The following ARHGAP35 variants were observed in gnomAD, a reference collection of about 807,000 sequenced individuals.
ARHGAP35 encodes the protein rho GTPase-activating protein 35.
Under a neutral mutation model 111.1 loss-of-function variants are expected in ARHGAP35, and 15 were observed. That is an observed-to-expected ratio of 0.13 (90% CI 0.09 to 0.21). The LOEUF (loss-of-function observed/expected upper bound fraction) is 0.21, where lower values mean the gene tolerates loss of function less well. Ranked by LOEUF, ARHGAP35 falls within the 10% of genes least tolerant of loss-of-function variation. ARHGAP35 has a pLI of 1.00. For synonymous variants in ARHGAP35, 643 were observed against 710.3 expected (o/e 0.91, Z 1.51); for missense variants, 1,262 against 1,873.0 (o/e 0.67, Z 6.02).
rs1164850484 is a variant in ARHGAP35, at chr19:46,986,158, G to C, written c.3827-1831G>C. Among the ~76,000 whole-genome samples the C allele has an allele frequency of 6.6e-6, 1 of 152,172 alleles. No individual in the cohort carries two copies. The highest frequency in any genetic ancestry group is 1.5e-5 in the Non-Finnish European group (1 of 68,038). ...GCTTTAGCCATGAGACCCCATGTCA[G>C]TTTTCACAGTGACTTCACTGTCCTT... On this transcript the variant is annotated intron_variant, in intron 3 of 6. Coordinates refer to ENST00000672722, the MANE Select transcript of ARHGAP35 (RefSeq NM_004491.5). The surrounding 1 kb of genome is among the most constrained non-coding windows in gnomAD (Gnocchi z 4.3).
Position 46,921,593 on chromosome 19 carries a change from C to T in ARHGAP35, c.2918C>T (p.Ala973Val), listed in dbSNP as rs2056201146. Residue 973 changes from alanine (A) to valine (V), a missense_variant, in exon 2 of 7, where the codon GCA (alanine) becomes GTA (valine). Ala to Val is a moderately conservative substitution (Grantham distance 64). Around this residue, in one of 8 missense-constraint regions of ARHGAP35, gnomAD observed 579 missense variants for 716.9 expected, o/e 0.81. Coordinates refer to ENST00000672722, the MANE Select transcript of ARHGAP35 (RefSeq NM_004491.5). This position sits in a 1 kb window ranked among gnomAD's most constrained non-coding sequence, Gnocchi z 4.3. ...GAAGAGGTGTTTAACTCCCCCCGGG[C>T]AGGATCACCGCTCTGCAACTCAAAC... ...TTEEVFNSPR[A>V]GSPLCNSNLQ... 2.5e-6 allele frequency: 4 copies of T among 1,613,972 alleles called. No individual in the cohort carries two copies. Among genetic ancestry groups the T allele is most frequent in the Non-Finnish European group, 3.4e-6 (4 of 1,179,880 alleles).
chr19:46,960,029 G>A (rs2056469622), intron 3 of ARHGAP35, among the ~76,000 whole-genome samples: 1 of 147,622 alleles, frequency 6.8e-6, no homozygotes, highest in African/African-American at 2.5e-5. Flanking sequence ...AGGATTGCTT[G>A]ATCCCAGGAA....
At chr19:46,980,900 A>T (rs942224898) in intron 3 of ARHGAP35, among the ~76,000 whole-genome samples, 20 of 152,206 alleles carry the variant, frequency 1.3e-4, no homozygotes, top group African/African-American at 4.6e-4. Flanking sequence ...ACATACCACC[A>T]GGGGATGAGG....
intron 1 of ARHGAP35, among the ~76,000 whole-genome samples, chr19:46,903,018 A>T (rs1376064538): frequency 6.6e-6 from 1 of 152,198 alleles, no homozygotes; most frequent in Non-Finnish European, 1.5e-5. Flanking sequence ...GAGCGGTAAT[A>T]GCCAGAAGGG....
chr19:46,923,523 G>T (rs147979230), intron 2 of ARHGAP35, among the ~76,000 whole-genome samples: 3 of 151,934 alleles, frequency 2.0e-5, no homozygotes, highest in Non-Finnish European at 4.4e-5. Flanking sequence ...AAGAAAAAGC[G>T]TTTCTCAACT....
chr19:46,922,318 A>C lies in ARHGAP35; in HGVS notation c.3643A>C (p.Arg1215=). The part of the protein sequence containing the change: ...IPYETDEDPR[R]RNILRSLRRN... ...ATACGAAACAGACGAAGACCCGCGG[A>C]GGAGGAATATTCTTCGCAGCCTAAG... is the stretch of plus-strand genomic sequence containing the variant. The change falls in exon 2 of 7, where the codon AGG becomes CGG. Residue 1215 remains arginine (R), a synonymous_variant. Transcript: ENST00000672722. This position sits in a 1 kb window ranked among gnomAD's most constrained non-coding sequence, Gnocchi z 4.0. The C allele has an allele frequency of 2.5e-6, 4 of 1,611,838 alleles. No homozygotes were observed. Among genetic ancestry groups the C allele is most frequent in the Non-Finnish European group, 3.4e-6 (4 of 1,178,818 alleles).
At chr19:46,962,494 G>C (rs2056489727) in intron 3 of ARHGAP35, among the ~76,000 whole-genome samples, 1 of 152,242 alleles carries the variant, frequency 6.6e-6, no homozygotes, top group Non-Finnish European at 1.5e-5. Flanking sequence ...TTATGCTCTT[G>C]TGTTTAGGGC....
At chr19:46,957,117 A>G (rs544614828) in intron 3 of ARHGAP35, among the ~76,000 whole-genome samples, 1 of 151,650 alleles carries the variant, frequency 6.6e-6, no homozygotes, top group Admixed American at 6.6e-5. Flanking sequence ...ACACACCACC[A>G]CGCCCAACTA....
intron 3 of ARHGAP35, among the ~76,000 whole-genome samples, chr19:46,958,699 G>C (rs2056457494): frequency 6.6e-6 from 1 of 152,212 alleles, no homozygotes; most frequent in African/African-American, 2.4e-5. Context: ...TCTGAGGAAG[G>C]CTCAGTCAGG....
chr19:46,981,311 C>T (rs1456256907), intron 3 of ARHGAP35, among the ~76,000 whole-genome samples: 3 of 152,220 alleles, frequency 2.0e-5, no homozygotes, highest in Non-Finnish European at 2.9e-5. Context: ...TTAAGTCCTG[C>T]CTGGCATGGG....
intron 3 of ARHGAP35, among the ~76,000 whole-genome samples, 185 bp downstream of exon 3, chr19:46,937,593 C>T (rs1333423964): frequency 6.6e-6 from 1 of 150,464 alleles, no homozygotes; most frequent in Admixed American, 6.6e-5. Flanking sequence ...AGTTTTGAGG[C>T]TGTCGTTGGG....
intron 3 of ARHGAP35, among the ~76,000 whole-genome samples, chr19:46,982,202 T>G (rs1380800488): frequency 6.7e-6 from 1 of 149,908 alleles, no homozygotes. Flanking sequence ...AGGAGCCGGG[T>G]GCGGTGGCTC....
intron 1 of ARHGAP35, among the ~76,000 whole-genome samples, chr19:46,894,741 C>T (rs1423743833): frequency 3.3e-5 from 5 of 152,062 alleles, no homozygotes; most frequent in South Asian, 2.1e-4. Flanking sequence ...CCACCACGCC[C>T]GGCCATACTT....
intron 3 of ARHGAP35, among the ~76,000 whole-genome samples, chr19:46,953,475 T>C (rs2056423399): frequency 6.6e-6 from 1 of 152,156 alleles, no homozygotes. Context: ...GTTTTTACTC[T>C]GAGTGAGGTA....
In ARHGAP35 at chr19:47,001,592, G is replaced by A. The variant is rs753199191; in HGVS notation, c.*904G>A. 8 of 381,832 alleles carry A rather than the reference G, an allele frequency of 2.1e-5. No homozygotes were observed. Among genetic ancestry groups the A allele is most frequent in the African/African-American group, 4.2e-5 (2 of 47,198 alleles). The allele number at this position is 381,832 out of a possible 1,614,324, so 23.7% of individuals were successfully genotyped here. A position where few individuals can be genotyped will look rare whatever the true frequency, so the allele number is the denominator to read the frequency against. The stretch of plus-strand genomic sequence containing the variant: ...CCCACTCACCCACTTAGGTCTAGTC[G>A]CTAGATCCCCCGTTTTCCCAAGAAG... On this transcript the variant is annotated 3_prime_UTR_variant, in exon 7 of 7. Coordinates refer to ENST00000672722, the MANE Select transcript of ARHGAP35 (RefSeq NM_004491.5). The surrounding 1 kb of genome is among the most constrained non-coding windows in gnomAD (Gnocchi z 5.4).
intron 3 of ARHGAP35, among the ~76,000 whole-genome samples, chr19:46,957,987 T>C (rs890478718): frequency 6.6e-6 from 1 of 151,994 alleles, no homozygotes; most frequent in Non-Finnish European, 1.5e-5. Context: ...CACTGCAGCC[T>C]GAAACACCTG....
chr19:46,960,868 A>T (rs928823410), intron 3 of ARHGAP35, among the ~76,000 whole-genome samples: 6 of 149,244 alleles, frequency 4.0e-5, no homozygotes, highest in African/African-American at 7.4e-5. Context: ...CCTTTGAAAA[A>T]CTTGACTGGA....
At chr19:46,885,320 A>G (rs1195726982) in intron 1 of ARHGAP35, among the ~76,000 whole-genome samples, 1 of 152,198 alleles carries the variant, frequency 6.6e-6, no homozygotes, top group African/African-American at 2.4e-5. Flanking sequence ...CAGGCACTGT[A>G]TTATGTACTT....
rs537552127 is a variant in ARHGAP35, at chr19:46,899,606, G to A, written c.-188-18882G>A. ...TCCCAGCTACTCAGGTAACTGCAGC[G>A]GGAGGATCGCTTGAGCCTGGGAGGT... On this transcript the variant is annotated intron_variant, in intron 1 of 6. Transcript: ENST00000672722. Among the ~76,000 whole-genome samples the A allele has an allele frequency of 4.6e-5, 7 of 151,938 alleles. No homozygotes were observed. The South Asian group carries it at 1.0e-3, about 23-fold the overall frequency.
Sources: allele counts gnomAD v4.1 joint callset (sites outside exome capture counted in the v4.1 genomes callset), GRCh38; gene constraint gnomAD v4.1.1; regional missense constraint gnomAD v4.1.1; non-coding constraint Gnocchi (gnomAD v3.1); transcripts MANE v1.5; gene names NCBI Gene and HGNC (gene_info 2026-07-23, HGNC 2026-07-21).